The following ENTREP2 variants were observed in gnomAD, a reference collection of about 807,000 sequenced individuals.
ENTREP2 encodes endosomal transmembrane epsin interactor 2, also known as protein ENTREP2.
the ENTREP2 span, among the ~76,000 whole-genome samples, chr15:29,341,881 A>G: frequency 6.6e-6 from 1 of 152,220 alleles, no homozygotes; most frequent in Non-Finnish European, 1.5e-5. Context: ...CAGCTTGAGC[A>G]AAGCATTGCA....
the ENTREP2 span, among the ~76,000 whole-genome samples, chr15:29,567,064 A>C: frequency 6.6e-6 from 1 of 152,202 alleles, no homozygotes; most frequent in Admixed American, 6.5e-5. Flanking sequence ...TAAACTATGA[A>C]CACAGCTCAT....
At chr15:29,462,161 C>T in the ENTREP2 span, among the ~76,000 whole-genome samples, 1 of 152,170 alleles carries the variant, frequency 6.6e-6, no homozygotes, top group Non-Finnish European at 1.5e-5. Flanking sequence ...TCAATGGACG[C>T]TTGGGTTGCT....
chr15:29,629,513 A>G, the ENTREP2 span, among the ~76,000 whole-genome samples: 1 of 152,358 alleles, frequency 6.6e-6, no homozygotes, highest in Non-Finnish European at 1.5e-5. Context: ...TATATGAAGC[A>G]TATCGCAGTC....
chr15:29,639,738 T>C, the ENTREP2 span, among the ~76,000 whole-genome samples: 6 of 148,000 alleles, frequency 4.1e-5, no homozygotes, highest in Non-Finnish European at 6.0e-5. Flanking sequence ...ATAGAGAAAA[T>C]CAACAAAATC....
chr15:29,233,497 A>C, the ENTREP2 span, among the ~76,000 whole-genome samples: 1 of 152,198 alleles, frequency 6.6e-6, no homozygotes, highest in African/African-American at 2.4e-5. Context: ...TCAAAGGTAG[A>C]AATTAGCTTA....
the ENTREP2 span, among the ~76,000 whole-genome samples, chr15:29,357,805 C>G: frequency 6.6e-6 from 1 of 151,504 alleles, no homozygotes; most frequent in African/African-American, 2.4e-5. Context: ...TGCCACTGCA[C>G]TCCAGCCTGG....
the ENTREP2 span, among the ~76,000 whole-genome samples, chr15:29,450,513 G>A: frequency 6.6e-6 from 1 of 152,312 alleles, no homozygotes; most frequent in East Asian, 1.9e-4. Context: ...TGCTTTGCAG[G>A]TGGGGGTGTA....
chr15:29,325,017 C>G, the ENTREP2 span, among the ~76,000 whole-genome samples: 1 of 152,070 alleles, frequency 6.6e-6, no homozygotes, highest in African/African-American at 2.4e-5. Context: ...TAGAATGAAA[C>G]TAGAAATCAC....
chr15:29,327,437 A>G, the ENTREP2 span, among the ~76,000 whole-genome samples: 1 of 152,078 alleles, frequency 6.6e-6, no homozygotes, highest in Non-Finnish European at 1.5e-5. Context: ...TACTAAAAAT[A>G]CAAAAAAATT....
chr15:29,290,256 G>A, the ENTREP2 span, among the ~76,000 whole-genome samples: 334 of 152,228 alleles, frequency 2.2e-3, 1 homozygote, highest in African/African-American at 7.8e-3. Context: ...ACTTCTCCTC[G>A]CAGTCTGTTC....
chr15:29,189,569 C>G, the ENTREP2 span, among the ~76,000 whole-genome samples: 28 of 152,040 alleles, frequency 1.8e-4, no homozygotes, highest in African/African-American at 5.8e-4. Flanking sequence ...GTAAATTAAA[C>G]CAGGTACATG....
At chr15:29,238,691 T>C in the ENTREP2 span, among the ~76,000 whole-genome samples, 1 of 151,784 alleles carries the variant, frequency 6.6e-6, no homozygotes, top group Non-Finnish European at 1.5e-5. Context: ...ACAAGAAGCA[T>C]GGCAGCATCT....
chr15:29,346,388 G>A, the ENTREP2 span, among the ~76,000 whole-genome samples: 19 of 152,140 alleles, frequency 1.2e-4, no homozygotes, highest in African/African-American at 4.3e-4. Context: ...CAGGAGTCCT[G>A]GCACAAAAAC....
chr15:29,651,803 A>C, the ENTREP2 span, among the ~76,000 whole-genome samples: 1 of 152,230 alleles, frequency 6.6e-6, no homozygotes, highest in Non-Finnish European at 1.5e-5. Flanking sequence ...GGGGAAGCCA[A>C]GGAGGGGCTG....
chr15:29,539,059 A>G, the ENTREP2 span, among the ~76,000 whole-genome samples: 1 of 152,144 alleles, frequency 6.6e-6, no homozygotes, highest in Non-Finnish European at 1.5e-5. Context: ...TGGATATGAC[A>G]AGGGGTGGTG....
the ENTREP2 span, among the ~76,000 whole-genome samples, chr15:29,496,451 C>A: frequency 6.6e-6 from 1 of 151,982 alleles, no homozygotes; most frequent in African/African-American, 2.4e-5. Flanking sequence ...AGGATTTCCA[C>A]TACTACTTTA....
chr15:29,410,608 C>T, the ENTREP2 span, among the ~76,000 whole-genome samples: 1 of 152,182 alleles, frequency 6.6e-6, no homozygotes, highest in African/African-American at 2.4e-5. Context: ...GCCTTCCTGA[C>T]TGTGCTCTGC....
chr15:29,483,147 G>A, the ENTREP2 span, among the ~76,000 whole-genome samples: 1 of 152,200 alleles, frequency 6.6e-6, no homozygotes, highest in Non-Finnish European at 1.5e-5. Flanking sequence ...TCAGTGAGAT[G>A]TCTGTTCAGG....
the ENTREP2 span, among the ~76,000 whole-genome samples, chr15:29,531,660 A>G: frequency 6.6e-6 from 1 of 152,208 alleles, no homozygotes; most frequent in Admixed American, 6.5e-5. Flanking sequence ...ATATGTAAAC[A>G]TTATGGAAAG....
Sources: gnomAD v4.1 joint callset for allele counts (sites outside exome capture counted in the v4.1 genomes callset) on GRCh38, gnomAD v4.1.1 for gene constraint, MANE v1.5 for transcripts, NCBI Gene and HGNC (gene_info 2026-07-23, HGNC 2026-07-21) for gene names.